The following GRAMD1B variants were observed in gnomAD, a reference collection of about 807,000 sequenced individuals.
GRAMD1B encodes protein Aster-B.
A neutral mutation model predicts 99.7 loss-of-function variants in GRAMD1B; 37 were observed. The observed-to-expected ratio is 0.37, with a 90% confidence interval of 0.29 to 0.49. The LOEUF (loss-of-function observed/expected upper bound fraction) is 0.49. GRAMD1B is among the 20% of genes least tolerant of loss of function. The probability of loss-of-function intolerance (pLI) is 0.98; values close to 1 mark genes in which losing one functional copy is unlikely to be tolerated. For synonymous variants in GRAMD1B, 427 were observed against 387.6 expected, an observed-to-expected ratio of 1.10 and a Z score of -1.19; for missense variants, 888 against 1,009.2, an observed-to-expected ratio of 0.88 and a Z score of 1.63.
intron 1 of GRAMD1B, among the ~76,000 whole-genome samples, chr11:123,461,360 G>C (rs1341199045): frequency 6.6e-6 from 1 of 152,228 alleles, no homozygotes; most frequent in African/African-American, 2.4e-5. Context: ...ATTTCTGTCT[G>C]CAGCTGGCCG....
Position 123,430,605 on chromosome 11 carries a change from C to G in GRAMD1B, c.-188C>G. 1 of 473,570 alleles carries G rather than the reference C, an allele frequency of 2.1e-6. No individual in the cohort carries two copies. The allele number at this position is 473,570 out of a possible 1,614,324, so 29.3% of individuals were successfully genotyped here. On this transcript the variant is annotated 5_prime_UTR_variant, in exon 1 of 20. Coordinates refer to ENST00000635736, the MANE Select transcript of GRAMD1B (RefSeq NM_001387025.1). ...ACGCGCGCTCCGAAAAGTTAGACTC[C>G]GGGCGGCGGCGCGCTACGCCGCGTC...
At chr11:123,576,522 C>T (rs562752774) in intron 2 of GRAMD1B, among the ~76,000 whole-genome samples, 9 of 152,306 alleles carry the variant, frequency 5.9e-5, no homozygotes, top group South Asian at 4.1e-4. Context: ...CCATTGAAAA[C>T]GGAAGTGAAA....
At position 123,464,615 on chromosome 11, in the gene GRAMD1B, G is replaced by A. The variant is rs374027303; in HGVS notation, c.375-16201G>A. Among the ~76,000 whole-genome samples the A allele has an allele frequency of 1.6e-3, 245 of 152,218 alleles. 1 individual carries two copies. Among genetic ancestry groups the A allele is most frequent in the African/African-American group, 5.6e-3 (232 of 41,522 alleles). ...AAAACTCCTTCAGGCTCCAACCCAGGCCCCCTGAATCAGAATCCAGGATCA... is the reference window on the plus strand; with the variant it reads ...AAAACTCCTTCAGGCTCCAACCCAGACCCCCTGAATCAGAATCCAGGATCA... On this transcript the variant is annotated intron_variant, in intron 1 of 19. Coordinates refer to ENST00000635736, the MANE Select transcript of GRAMD1B (RefSeq NM_001387025.1).
chr11:123,578,555 A>G, intron 3 of GRAMD1B: 1 of 722,270 alleles, frequency 1.4e-6, no homozygotes, highest in Non-Finnish European at 2.4e-6. Flanking sequence ...TCCCTTTCCC[A>G]GAAGGGCCGG....
chr11:123,475,561 T>G (rs1951223128), intron 1 of GRAMD1B, among the ~76,000 whole-genome samples: 1 of 152,252 alleles, frequency 6.6e-6, no homozygotes. Flanking sequence ...CTAGCTGTCT[T>G]GAGCGAATGG....
At chr11:123,520,541 C>G (rs1334488151) in intron 2 of GRAMD1B, among the ~76,000 whole-genome samples, 1 of 151,880 alleles carries the variant, frequency 6.6e-6, no homozygotes, top group Non-Finnish European at 1.5e-5. Flanking sequence ...GAGACCAAGG[C>G]GGGTGGATTG....
intron 2 of GRAMD1B, among the ~76,000 whole-genome samples, chr11:123,514,619 A>C (rs1167402289): frequency 6.6e-6 from 1 of 152,214 alleles, no homozygotes; most frequent in African/African-American, 2.4e-5. Context: ...CTTAGGATGC[A>C]TGTGGAAGAC....
intron 1 of GRAMD1B, chr11:123,458,813 A>G (rs2846058): frequency 0.98 from 149,543 of 152,084 alleles, 73,537 homozygotes; most frequent in East Asian, 1. Context: ...TAGAGTGTGT[A>G]TACGGGTGGG....
rs571609964 is a variant in GRAMD1B at position 123,610,593 on chromosome 11, A to G, written c.1919+255A>G. On this transcript the variant is annotated intron_variant, in intron 14 of 19. Coordinates refer to ENST00000635736, the MANE Select transcript of GRAMD1B (RefSeq NM_001387025.1). This position sits in a 1 kb window ranked among gnomAD's most constrained non-coding sequence, Gnocchi z 4.1. ...TGGTTGTCTGTGGCTTATACAGTAT[A>G]GTGTAGGCGCTTTACCTACATTCAC... 6.6e-6 allele frequency among the ~76,000 whole-genome samples: 1 copy of G among 152,230 alleles called. No homozygotes were observed. Among genetic ancestry groups the G allele is most frequent in the Non-Finnish European group, 1.5e-5 (1 of 68,042 alleles).
intron 2 of GRAMD1B, among the ~76,000 whole-genome samples, chr11:123,531,799 G>A (rs984150024): frequency 1.4e-5 from 2 of 143,174 alleles, no homozygotes; most frequent in Non-Finnish European, 3.0e-5. Context: ...GCAATGGTGC[G>A]ATCTCGGCTC....
At chr11:123,478,711 G>T (rs546716975) in intron 1 of GRAMD1B, among the ~76,000 whole-genome samples, 156 of 152,256 alleles carry the variant, frequency 1.0e-3, no homozygotes, top group African/African-American at 3.5e-3. Flanking sequence ...GAGGATAGGG[G>T]GACTAGGAAG....
chr11:123,549,978 T>C (rs893966433), intron 2 of GRAMD1B, among the ~76,000 whole-genome samples: 4 of 152,146 alleles, frequency 2.6e-5, no homozygotes, highest in Admixed American at 6.5e-5. Context: ...ATCCACATCG[T>C]AGGTACACCC....
chr11:123,580,681 C>T (rs1006442020), intron 3 of GRAMD1B, among the ~76,000 whole-genome samples: 9 of 152,212 alleles, frequency 5.9e-5, no homozygotes, highest in Non-Finnish European at 1.3e-4. Context: ...CCCAGCACTT[C>T]CCTCCCAATG....
intron 1 of GRAMD1B, among the ~76,000 whole-genome samples, chr11:123,400,668 T>G (rs1947628794): frequency 1.3e-5 from 2 of 152,046 alleles, no homozygotes; most frequent in East Asian, 3.9e-4. Context: ...CACTAATCCA[T>G]TCATGAGGGC....
intron 1 of GRAMD1B, among the ~76,000 whole-genome samples, chr11:123,455,819 G>T (rs529251323): frequency 1.1e-4 from 16 of 151,982 alleles, no homozygotes; most frequent in African/African-American, 3.4e-4. Flanking sequence ...AGGGACCTTT[G>T]CCCCATCTGT....
intron 1 of GRAMD1B, among the ~76,000 whole-genome samples, chr11:123,398,283 G>C (rs746859467): frequency 2.6e-5 from 4 of 152,180 alleles, no homozygotes; most frequent in Non-Finnish European, 4.4e-5. Context: ...ACTTCAAGAA[G>C]GCACTGGTGA....
intron 2 of GRAMD1B, among the ~76,000 whole-genome samples, chr11:123,522,978 C>T (rs374810715): frequency 1.3e-4 from 20 of 152,254 alleles, no homozygotes; most frequent in East Asian, 9.7e-4. Context: ...GAGCTGGGCA[C>T]GCCTGCATTC....
At chr11:123,594,288 G>T in intron 5 of GRAMD1B, 122 bp downstream of exon 5, 1 of 723,722 alleles carries the variant, frequency 1.4e-6, no homozygotes, top group South Asian at 1.5e-5. Context: ...CAGGGAGAGA[G>T]GCTGTCCAGA....
chr11:123,430,636 G>T lies in GRAMD1B; in HGVS notation c.-157G>T. On this transcript the variant is annotated 5_prime_UTR_variant, in exon 1 of 20. Coordinates refer to ENST00000635736, the MANE Select transcript of GRAMD1B (RefSeq NM_001387025.1). ...GCGGCGCGCTACGCCGCGTCCCCTC[G>T]CGTCCCTTCCTCGCTGCGCTCCGGG... The T allele has an allele frequency of 2.0e-6, 1 of 500,156 alleles. No homozygotes were observed. Among genetic ancestry groups the T allele is most frequent in the Non-Finnish European group, 3.5e-6 (1 of 285,762 alleles). The allele number at this position is 500,156 out of a possible 1,614,324, so 31.0% of individuals were successfully genotyped here.
Sources: allele counts gnomAD v4.1 joint callset (sites outside exome capture counted in the v4.1 genomes callset), GRCh38; gene constraint gnomAD v4.1.1; non-coding constraint Gnocchi (gnomAD v3.1); transcripts MANE v1.5; gene names NCBI Gene and HGNC (gene_info 2026-07-23, HGNC 2026-07-21).